The following DGKD variants were observed in gnomAD, a reference collection of about 807,000 sequenced individuals.
DGKD encodes the protein diacylglycerol kinase delta, also known as DAG kinase delta.
In DGKD, 68 loss-of-function variants were observed where a neutral mutation model predicts 154.4. The ratio of observed to expected loss-of-function variants is 0.44; its 90% CI spans 0.36 to 0.54. The LOEUF (loss-of-function observed/expected upper bound fraction) is 0.54. Among genes scored for constraint, DGKD ranks in the 20% least tolerant of loss-of-function variants. The probability of loss-of-function intolerance (pLI) is 0.00; values close to 1 mark genes in which losing one functional copy is unlikely to be tolerated. For synonymous variants in DGKD, 693 were observed against 638.0 expected (o/e 1.09, Z -1.30); for missense variants, 1,343 against 1,593.6 (o/e 0.84, Z 2.68).
At chr2:233,460,022 AAGCT>A (rs1384352690) in intron 23 of DGKD, 131 bp downstream of exon 23, 3 of 1,447,016 alleles carry the variant, frequency 2.1e-6, no homozygotes, top group Non-Finnish European at 2.7e-6. Context: ...CACAATGATT[AAGCT>A]AATAGGGCAG....
chr2:233,397,337 C>G (rs860805), intron 3 of DGKD, among the ~76,000 whole-genome samples: 2 of 94,686 alleles, frequency 2.1e-5, no homozygotes, highest in Non-Finnish European at 4.0e-5. Flanking sequence ...CCAGAGGGGA[C>G]CAGGGTGGCT....
chr2:233,360,448 T>A (rs991207360), intron 1 of DGKD, among the ~76,000 whole-genome samples: 1 of 151,908 alleles, frequency 6.6e-6, no homozygotes, highest in East Asian at 1.9e-4. Flanking sequence ...GAGACGAGGG[T>A]CTCACTATGT....
At chr2:233,444,605 G>A (rs1412580504) in intron 10 of DGKD, among the ~76,000 whole-genome samples, 1 of 148,572 alleles carries the variant, frequency 6.7e-6, no homozygotes, top group African/African-American at 2.5e-5. Flanking sequence ...CCCTCGCGGA[G>A]TCCTCAGACC....
At chr2:233,466,433 CT>C (rs1159326889) in intron 27 of DGKD, among the ~76,000 whole-genome samples, 1 of 152,156 alleles carries the variant, frequency 6.6e-6, no homozygotes, top group East Asian at 1.9e-4. Context: ...TTCAAGTCTA[CT>C]TGCTTGCTAT....
chr2:233,446,923 C>A, intron 12 of DGKD, 127 bp downstream of exon 12: 1 of 1,094,784 alleles, frequency 9.1e-7, no homozygotes, highest in South Asian at 1.5e-5. Flanking sequence ...ACAGTCAGGC[C>A]TGCGGAGGCG....
Position 233,438,134 on chromosome 2 carries a change from G to A in DGKD, c.923-83G>A, listed in dbSNP as rs2062759632. ...TGTCAGGTGTGTGTCCTTTGGGGGG[G>A]TCTGCTGCTGCTGATTCCATCAGTG... On this transcript the variant is annotated intron_variant, in intron 8 of 29. Transcript: ENST00000264057. This position sits in a 1 kb window ranked among gnomAD's most constrained non-coding sequence, Gnocchi z 4.1. 6.7e-7 allele frequency: 1 copy of A among 1,492,340 alleles called. No individual in the cohort carries two copies. Among genetic ancestry groups the A allele is most frequent in the African/African-American group, 1.4e-5 (1 of 72,162 alleles). The allele number at this position is 1,492,340 out of a possible 1,614,324, so 92.4% of individuals were successfully genotyped here.
At chr2:233,437,615 C>A in intron 8 of DGKD, 136 bp downstream of exon 8, 1 of 869,312 alleles carries the variant, frequency 1.2e-6, no homozygotes, top group Non-Finnish European at 1.8e-6. Context: ...GTTGGGGGTG[C>A]TGGAGGAGTT....
At position 233,431,892 on chromosome 2, in the gene DGKD, C is replaced by T. The variant is rs75412552; in HGVS notation, c.349-2488C>T. ...AAAACACTGGGGAAACTTTCTAGGA[C>T]GTTGGACTGGGCAAAGGTTTCTTGA... is the stretch of plus-strand genomic sequence containing the variant. On this transcript the variant is annotated intron_variant, in intron 3 of 29. Coordinates refer to ENST00000264057, the MANE Select transcript of DGKD (RefSeq NM_152879.3). Among the ~76,000 whole-genome samples the T allele has an allele frequency of 9.2e-3, 1,407 of 152,310 alleles. 24 individuals are homozygous for T. Among genetic ancestry groups the T allele is most frequent in the African/African-American group, 0.032 (1,315 of 41,564 alleles).
chr2:233,446,596 T>G, intron 11 of DGKD, 116 bp from the exon 12 acceptor site: 1 of 1,041,544 alleles, frequency 9.6e-7, no homozygotes, highest in East Asian at 2.5e-5. Context: ...GGCCTAAAAA[T>G]GAAGTCAGAA....
intron 1 of DGKD, among the ~76,000 whole-genome samples, chr2:233,359,750 ACTGTTGT>A (rs1412255211): frequency 6.6e-6 from 1 of 152,198 alleles, no homozygotes; most frequent in Non-Finnish European, 1.5e-5. Flanking sequence ...AACATTGTTA[ACTGTTGT>A]GCGAGGCACC....
At chr2:233,363,060 A>G (rs909642645) in intron 1 of DGKD, among the ~76,000 whole-genome samples, 20 of 152,254 alleles carry the variant, frequency 1.3e-4, no homozygotes, top group African/African-American at 4.1e-4. Flanking sequence ...TACTATCTAT[A>G]CTTTTTATTA....
In DGKD at chr2:233,458,239, C is replaced by A; in HGVS notation, c.2581-45C>A. On this transcript the variant is annotated intron_variant, in intron 21 of 29. Transcript: ENST00000264057. The surrounding 1 kb of genome is among the most constrained non-coding windows in gnomAD (Gnocchi z 6.6). ...AGTGAGGGTAGGGGCGGCCTGTGCT[C>A]GGGGATGTGTGGAGTGGTGGTCAGC... is the stretch of plus-strand genomic sequence containing the variant. The A allele has an allele frequency of 7.3e-7, 1 of 1,369,474 alleles. No individual in the cohort carries two copies. The highest frequency in any genetic ancestry group is 1.4e-5 in the African/African-American group (1 of 70,404). The allele number at this position is 1,369,474 out of a possible 1,614,324, so 84.8% of individuals were successfully genotyped here.
At chr2:233,467,425 C>G (rs1395615667) in intron 28 of DGKD, among the ~76,000 whole-genome samples, 1 of 152,166 alleles carries the variant, frequency 6.6e-6, no homozygotes. Context: ...GACGTGCTCT[C>G]TGGCTTTCTG....
chr2:233,364,540 T>C (rs1701933829), intron 1 of DGKD, among the ~76,000 whole-genome samples: 1 of 152,182 alleles, frequency 6.6e-6, no homozygotes, highest in South Asian at 2.1e-4. Flanking sequence ...TCTTTCCATT[T>C]CCAGGAAGAA....
At chr2:233,443,311 A>G (rs1462850221) in intron 10 of DGKD, among the ~76,000 whole-genome samples, 2 of 151,860 alleles carry the variant, frequency 1.3e-5, no homozygotes, top group Non-Finnish European at 2.9e-5. Flanking sequence ...TCACCTGTTC[A>G]TATTTTTTTT....
intron 1 of DGKD, among the ~76,000 whole-genome samples, chr2:233,360,576 A>T (rs1267651820): frequency 6.6e-6 from 1 of 151,566 alleles, no homozygotes; most frequent in Admixed American, 6.6e-5. Flanking sequence ...TTATTTTGAG[A>T]TAGGGTCTTG....
chr2:233,456,594 T>C (rs543575885), intron 19 of DGKD, among the ~76,000 whole-genome samples: 1 of 152,290 alleles, frequency 6.6e-6, no homozygotes, highest in South Asian at 2.1e-4. Context: ...CCAGAAAAAA[T>C]CAGGATGTGT....
chr2:233,391,604 T>TTA (rs1703625014), intron 3 of DGKD, among the ~76,000 whole-genome samples: 2 of 152,232 alleles, frequency 1.3e-5, no homozygotes, highest in Non-Finnish European at 2.9e-5. Flanking sequence ...CTGTTTTTCT[T>TTA]TATGTTATTA....
At chr2:233,433,627 A>G (rs1237652699) in intron 3 of DGKD, among the ~76,000 whole-genome samples, 2 of 152,218 alleles carry the variant, frequency 1.3e-5, no homozygotes, top group African/African-American at 4.8e-5. Flanking sequence ...CCTTGAGGCA[A>G]TGGATACCCC....
Sources: allele counts gnomAD v4.1 joint callset (sites outside exome capture counted in the v4.1 genomes callset), GRCh38; gene constraint gnomAD v4.1.1; non-coding constraint Gnocchi (gnomAD v3.1); transcripts MANE v1.5; gene names NCBI Gene and HGNC (gene_info 2026-07-23, HGNC 2026-07-21).